The following PKIA variants were observed in gnomAD, a reference collection of about 807,000 sequenced individuals.
PKIA encodes PKI-alpha.
PKIA carries 4 observed loss-of-function variants against 7.6 expected under a neutral mutation model. The ratio of observed to expected loss-of-function variants is 0.52; its 90% CI spans 0.26 to 1.20. PKIA has a LOEUF of 1.20. Ranked by LOEUF, PKIA falls within the 50% of genes most tolerant of loss-of-function variation. The probability of loss-of-function intolerance (pLI) is 0.13; values close to 1 mark genes in which losing one functional copy is unlikely to be tolerated. For synonymous variants in PKIA, 21 were observed against 30.7 expected (o/e 0.68, Z 1.04); for missense variants, 73 against 86.2 (o/e 0.85, Z 0.61).
At chr8:78,538,211 C>T (rs1011759496) in intron 1 of PKIA, among the ~76,000 whole-genome samples, 1 of 152,060 alleles carries the variant, frequency 6.6e-6, no homozygotes, top group Non-Finnish European at 1.5e-5. Flanking sequence ...AAAGCAGGAA[C>T]TGTTTGCTAT....
chr8:78,555,937 G>A (rs546165663), intron 1 of PKIA, among the ~76,000 whole-genome samples: 4 of 151,994 alleles, frequency 2.6e-5, no homozygotes, highest in African/African-American at 4.8e-5. Context: ...TTATGGCACT[G>A]GTGGGTAAAG....
At chr8:78,526,047 T>C (rs932122542) in intron 1 of PKIA, among the ~76,000 whole-genome samples, 3 of 152,078 alleles carry the variant, frequency 2.0e-5, no homozygotes, top group Non-Finnish European at 4.4e-5. Flanking sequence ...TAAAGGTTAA[T>C]GTTTTCCATT....
At chr8:78,593,067 T>G (rs1224250440) in intron 2 of PKIA, among the ~76,000 whole-genome samples, 1 of 152,234 alleles carries the variant, frequency 6.6e-6, no homozygotes, top group African/African-American at 2.4e-5. Flanking sequence ...AGGATTTGTT[T>G]TCCTACTTTA....
At chr8:78,573,674 G>A (rs1482632644) in intron 2 of PKIA, among the ~76,000 whole-genome samples, 1 of 151,920 alleles carries the variant, frequency 6.6e-6, no homozygotes, top group African/African-American at 2.4e-5. Flanking sequence ...ATTTAGCACA[G>A]CACTTGATCC....
rs151181456 is a variant in PKIA at position 78,570,302 on chromosome 8, T to C, written c.-156-2509T>C. Among the ~76,000 whole-genome samples, 96 of 152,212 alleles carry C rather than the reference T, an allele frequency of 6.3e-4. 1 individual carries two copies. The highest frequency in any genetic ancestry group is 2.8e-3 in the Admixed American group (43 of 15,272). ...CTGAAAAGCAGATAGAGAGAAACAA[T>C]GCATTACTTACAGAGAAACACCAAT... is the stretch of plus-strand genomic sequence containing the variant. On this transcript the variant is annotated intron_variant, in intron 1 of 3. Coordinates refer to ENST00000396418, the MANE Select transcript of PKIA (RefSeq NM_006823.4).
intron 1 of PKIA, among the ~76,000 whole-genome samples, chr8:78,540,215 G>GT (rs1301046235): frequency 1.3e-5 from 2 of 151,832 alleles, no homozygotes; most frequent in Non-Finnish European, 2.9e-5. Flanking sequence ...AAAAATATAG[G>GT]TCTCGAGGGT....
intron 1 of PKIA, among the ~76,000 whole-genome samples, chr8:78,562,103 T>C (rs1355464528): frequency 6.6e-6 from 1 of 152,182 alleles, no homozygotes; most frequent in Non-Finnish European, 1.5e-5. Flanking sequence ...GAGCCTCCAG[T>C]TAATAAAATA....
Position 78,532,962 on chromosome 8 carries a change from T to C in PKIA, c.-157+16494T>C, listed in dbSNP as rs1252043184. ...AAATACAAAGCAATGGTGCCCACATTCTTATTTGTCCAGCGCCTGGTCTTG... is the reference window on the plus strand; with the variant it reads ...AAATACAAAGCAATGGTGCCCACATCCTTATTTGTCCAGCGCCTGGTCTTG... On this transcript the variant is annotated intron_variant, in intron 1 of 3. Transcript: ENST00000396418. Among the ~76,000 whole-genome samples the C allele has an allele frequency of 2.6e-5, 4 of 152,012 alleles. No individual in the cohort carries two copies. The South Asian group carries it at 6.2e-4, about 24-fold the overall frequency.
chr8:78,576,329 A>G lies in PKIA; in HGVS notation c.-28+3390A>G, dbSNP rs575293230. ...ATGTTCATTTTCTATTTATCTTTTCATACTTATTTCTCATTGTTATTTAAG... is the reference window on the plus strand; with the variant it reads ...ATGTTCATTTTCTATTTATCTTTTCGTACTTATTTCTCATTGTTATTTAAG... On this transcript the variant is annotated intron_variant, in intron 2 of 3. Transcript: ENST00000396418. 4.6e-5 allele frequency among the ~76,000 whole-genome samples: 7 copies of G among 152,126 alleles called. No individual in the cohort carries two copies. In the South Asian group the frequency reaches 1.2e-3, roughly 27 times the overall value.
At chr8:78,527,173 A>G (rs1263411009) in intron 1 of PKIA, among the ~76,000 whole-genome samples, 1 of 152,058 alleles carries the variant, frequency 6.6e-6, no homozygotes, top group Non-Finnish European at 1.5e-5. Flanking sequence ...AGTTTGTCTT[A>G]AATTTCCAAG....
At chr8:78,542,382 A>G (rs183038696) in intron 1 of PKIA, among the ~76,000 whole-genome samples, 1 of 152,220 alleles carries the variant, frequency 6.6e-6, no homozygotes, top group East Asian at 1.9e-4. Context: ...TCCAGCACCT[A>G]TATTCATCTA....
intron 2 of PKIA, among the ~76,000 whole-genome samples, chr8:78,594,227 TA>T (rs1203023334): frequency 6.6e-6 from 1 of 152,192 alleles, no homozygotes; most frequent in Non-Finnish European, 1.5e-5. Flanking sequence ...AAATCTACTT[TA>T]ACAAGAAAGT....
chr8:78,557,553 A>G (rs1333151601), intron 1 of PKIA, among the ~76,000 whole-genome samples: 6 of 152,072 alleles, frequency 3.9e-5, no homozygotes, highest in African/African-American at 1.4e-4. Context: ...AGAACATGGG[A>G]AAAAAAGGAA....
chr8:78,598,552 A>G lies in PKIA; in HGVS notation c.151+17A>G. 1 of 1,593,156 alleles carries G rather than the reference A, an allele frequency of 6.3e-7. No homozygotes were observed. Among genetic ancestry groups the G allele is most frequent in the South Asian group, 1.1e-5 (1 of 89,454 alleles). On this transcript the variant is annotated intron_variant, in intron 3 of 3. Coordinates refer to ENST00000396418, the MANE Select transcript of PKIA (RefSeq NM_006823.4). The stretch of plus-strand genomic sequence containing the variant: ...ACAAGACAGGTAAGTCATCTGGCAC[A>G]CATTTCTCTATGAGCATGGAATGAT...
At chr8:78,517,401 A>T (rs1809336077) in intron 1 of PKIA, among the ~76,000 whole-genome samples, 1 of 152,242 alleles carries the variant, frequency 6.6e-6, no homozygotes, top group South Asian at 2.1e-4. Flanking sequence ...GCATAGGCAT[A>T]GGTAGAAGTA....
intron 2 of PKIA, among the ~76,000 whole-genome samples, chr8:78,589,067 T>C (rs779596700): frequency 6.6e-6 from 1 of 151,986 alleles, no homozygotes; most frequent in Non-Finnish European, 1.5e-5. Flanking sequence ...GGAATGATAA[T>C]GAGGAAGAAG....
intron 1 of PKIA, among the ~76,000 whole-genome samples, chr8:78,570,970 C>T (rs1266828002): frequency 3.9e-5 from 6 of 152,076 alleles, no homozygotes; most frequent in Non-Finnish European, 1.5e-5. Flanking sequence ...TCTTCCATTA[C>T]ACTATGTAAT....
At chr8:78,557,365 G>T (rs1277470743) in intron 1 of PKIA, among the ~76,000 whole-genome samples, 3 of 152,064 alleles carry the variant, frequency 2.0e-5, no homozygotes, top group African/African-American at 7.2e-5. Flanking sequence ...CTATATTATA[G>T]GAGAATCAAA....
chr8:78,568,455 C>T (rs188021116), intron 1 of PKIA, among the ~76,000 whole-genome samples: 42 of 152,248 alleles, frequency 2.8e-4, no homozygotes, highest in African/African-American at 8.2e-4. Flanking sequence ...AATAGACCAC[C>T]GCAATTCTGG....
Sources: allele counts gnomAD v4.1 joint callset (sites outside exome capture counted in the v4.1 genomes callset), GRCh38; gene constraint gnomAD v4.1.1; transcripts MANE v1.5; gene names NCBI Gene and HGNC (gene_info 2026-07-23, HGNC 2026-07-21).